Variants in RFX6 observed in about 807,000 individuals in gnomAD.
RFX6 encodes the protein DNA-binding protein RFX6.
A neutral mutation model predicts 110.8 loss-of-function variants in RFX6; 50 were observed. The ratio of observed to expected loss-of-function variants is 0.45; its 90% CI spans 0.36 to 0.57. The LOEUF (loss-of-function observed/expected upper bound fraction) is 0.57, where lower values mean the gene tolerates loss of function less well. RFX6 is among the 20% of genes least tolerant of loss of function. The pLI, the probability that RFX6 is intolerant of heterozygous loss-of-function variation, is 0.00. For missense variants in RFX6, 990 were observed against 1,127.0 expected, an observed-to-expected ratio of 0.88 and a Z score of 1.74; for synonymous variants, 383 against 411.2, an observed-to-expected ratio of 0.93 and a Z score of 0.83.
intron 11 of RFX6, 111 bp from the exon 12 acceptor site, chr6:116,920,199 G>A (rs538820053): frequency 1.1e-6 from 1 of 874,868 alleles, no homozygotes; most frequent in Non-Finnish European, 1.9e-6. Context: ...TAAGAAAAAA[G>A]TTATTTATGA....
At chr6:116,908,582 G>A (rs1461043022) in intron 6 of RFX6, among the ~76,000 whole-genome samples, 4 of 151,488 alleles carry the variant, frequency 2.6e-5, no homozygotes, top group Admixed American at 6.6e-5. Context: ...GATTTTCAAG[G>A]GTATTTTACC....
chr6:116,911,971 T>C (rs1396152928), intron 7 of RFX6, among the ~76,000 whole-genome samples: 1 of 152,228 alleles, frequency 6.6e-6, no homozygotes, highest in African/African-American at 2.4e-5. Context: ...ATGACAGCCA[T>C]ACTCTGTTAG....
At position 116,894,023 on chromosome 6, in the gene RFX6, T is replaced by C. The variant is rs1273424273; in HGVS notation, c.603T>C (p.Ser201=). 6.2e-6 allele frequency: 10 copies of C among 1,604,234 alleles called. No individual in the cohort carries two copies. The African/African-American group carries it at 1.1e-4, about 17-fold the overall frequency. Residue 201 remains serine (S), a synonymous_variant, in exon 5 of 19, where the codon AGT becomes AGC. Coordinates refer to ENST00000332958, the MANE Select transcript of RFX6 (RefSeq NM_173560.4). ...ATGGGATTGGCATCAAAGAGAGCAG[T>C]GCATATTACCACTCCGTTTATTCTG... The part of the protein sequence containing the change: ...HYYGIGIKES[S]AYYHSVYSGK...
chr6:116,909,060 GA>G (rs1160939707), intron 6 of RFX6, among the ~76,000 whole-genome samples: 20 of 151,976 alleles, frequency 1.3e-4, no homozygotes, highest in Non-Finnish European at 7.4e-5. Context: ...CTGAATGCTT[GA>G]TAAAAGGTCA....
rs181546283 is a variant in RFX6, at chr6:116,927,386, T to C, written c.2245T>C (p.Tyr749His). 4 of 1,614,068 alleles carry C rather than the reference T, an allele frequency of 2.5e-6. No individual in the cohort carries two copies. Among genetic ancestry groups the C allele is most frequent in the Middle Eastern group, 1.6e-4 (1 of 6,062 alleles). ...FFSGSCAGSP[Y>H]NSRPPSSYGP... is the part of the protein sequence containing the mutation. Reference sequence around the variant, plus strand: ...CAGTGGCAGCTGTGCGGGGTCTCCATATAACTCCCGGCCACCGTCTAGCTA... The same window carrying C: ...CAGTGGCAGCTGTGCGGGGTCTCCACATAACTCCCGGCCACCGTCTAGCTA... Residue 749 changes from tyrosine (Y) to histidine (H), a missense_variant, in exon 17 of 19, where the codon TAT becomes CAT. Transcript: ENST00000332958.
rs781659041 is a variant in RFX6, at chr6:116,877,472, C to T, written c.197C>T (p.Pro66Leu). ...GGCGGCGGGGAGAAAGGCGAAGACC[C>T]GGAGCTGCCGGGGGCAGTGAAATCA... ...EQGGGEKGED[P>L]ELPGAVKSEM... is the part of the protein sequence containing the mutation. Residue 66 changes from proline to leucine, a missense_variant, in exon 1 of 19, where the codon CCG becomes CTG. Physicochemically the swap from Pro to Leu is moderately conservative, Grantham distance 98. Around this residue, in one of 5 missense-constraint regions of RFX6, gnomAD observed 175 missense variants for 162.3 expected, o/e 1.08. Coordinates refer to ENST00000332958, the MANE Select transcript of RFX6 (RefSeq NM_173560.4). 4.5e-6 allele frequency: 7 copies of T among 1,562,398 alleles called. No individual in the cohort carries two copies. The South Asian group carries it at 5.9e-5, about 13-fold the overall frequency.
chr6:116,931,551 T>C lies in RFX6; in HGVS notation c.*45T>C, dbSNP rs957184444. ...GTGCTAAAACTTTAAAAAAAATCTC[T>C]ACTGTGCAAATATCATTATTCACTC... On this transcript the variant is annotated 3_prime_UTR_variant, in exon 19 of 19. Coordinates refer to ENST00000332958, the MANE Select transcript of RFX6 (RefSeq NM_173560.4). 3 of 1,356,744 alleles carry C rather than the reference T, an allele frequency of 2.2e-6. No homozygotes were observed. The highest frequency in any genetic ancestry group is 3.1e-6 in the Non-Finnish European group (3 of 958,978). 84.0% of individuals were successfully genotyped at this position (1,356,744 alleles called of 1,614,324 possible). A position where few individuals can be genotyped will look rare whatever the true frequency, so the allele number is the denominator to read the frequency against.
At chr6:116,883,002 T>C (rs1255287010) in intron 4 of RFX6, among the ~76,000 whole-genome samples, 1 of 152,178 alleles carries the variant, frequency 6.6e-6, no homozygotes, top group Non-Finnish European at 1.5e-5. Context: ...AACTCCCAGG[T>C]ACAGTTTCTC....
At chr6:116,927,572 T>A (rs1384861692) in intron 17 of RFX6, 33 bp downstream of exon 17, 2 of 1,587,616 alleles carry the variant, frequency 1.3e-6, no homozygotes, top group East Asian at 2.2e-5. Context: ...TTCTTGGTTT[T>A]TGAGATGGCA....
intron 4 of RFX6, among the ~76,000 whole-genome samples, chr6:116,887,830 G>T (rs975734226): frequency 1.3e-5 from 2 of 152,168 alleles, no homozygotes; most frequent in Non-Finnish European, 2.9e-5. Context: ...CGGGTACAAT[G>T]ATAAGCAAAA....
At chr6:116,895,833 G>A (rs192236907) in intron 6 of RFX6, among the ~76,000 whole-genome samples, 17 of 152,306 alleles carry the variant, frequency 1.1e-4, no homozygotes, top group African/African-American at 3.8e-4. Context: ...AAGAAGAGGT[G>A]CTGCCAAGCT....
intron 2 of RFX6, among the ~76,000 whole-genome samples, chr6:116,879,278 G>A (rs574373286): frequency 1.6e-4 from 25 of 151,876 alleles, no homozygotes; most frequent in African/African-American, 4.6e-4. Flanking sequence ...AGACAATGCC[G>A]ACTACAACAG....
rs552279615 is a variant in RFX6 at position 116,921,968 on chromosome 6, G to C, written c.1328-74G>C. 6.8e-6 allele frequency: 5 copies of C among 735,664 alleles called. No individual in the cohort carries two copies. In the Admixed American group the frequency reaches 1.1e-4, roughly 16 times the overall value. 45.6% of individuals were successfully genotyped at this position (735,664 alleles called of 1,614,324 possible). A position where few individuals can be genotyped will look rare whatever the true frequency, so the allele number is the denominator to read the frequency against. On this transcript the variant is annotated intron_variant, in intron 12 of 18. Transcript: ENST00000332958. Reference sequence around the variant, plus strand: ...AAGTATTGATGATTCCAAGTTTTAGGTTTTCTCTTGGATTCCAAGTAGAGT... The same window carrying C: ...AAGTATTGATGATTCCAAGTTTTAGCTTTTCTCTTGGATTCCAAGTAGAGT...
intron 13 of RFX6, among the ~76,000 whole-genome samples, 177 bp from the exon 14 acceptor site, chr6:116,922,930 C>T (rs1245571624): frequency 6.6e-6 from 1 of 152,142 alleles, no homozygotes; most frequent in Non-Finnish European, 1.5e-5. Context: ...ACCCTTAAAA[C>T]ATCAGCAAAG....
At chr6:116,881,580 A>G (rs1774590938) in intron 3 of RFX6, among the ~76,000 whole-genome samples, 1 of 152,050 alleles carries the variant, frequency 6.6e-6, no homozygotes, top group Non-Finnish European at 1.5e-5. Flanking sequence ...TTATTGTGAG[A>G]CCTTCTGAAA....
At chr6:116,907,875 G>T (rs1371164312) in intron 6 of RFX6, among the ~76,000 whole-genome samples, 1 of 148,546 alleles carries the variant, frequency 6.7e-6, no homozygotes. Context: ...CTTTAATTTT[G>T]TCAATTTTTC....
intron 6 of RFX6, among the ~76,000 whole-genome samples, chr6:116,902,226 A>C (rs1775090625): frequency 6.6e-6 from 1 of 151,992 alleles, no homozygotes; most frequent in African/African-American, 2.4e-5. Context: ...CTTGTGGGAG[A>C]AGAAGGGAAT....
chr6:116,926,595 TATAAG>T lies in RFX6; in HGVS notation c.1886-430_1886-426del, dbSNP rs536015248. ...GGTGGCATTCATAAATCACATTACT[TATAAG>T]AGGTGTTTGCATGACATTTTGAATT... On this transcript the variant is annotated intron_variant, in intron 16 of 18. Transcript: ENST00000332958. Among the ~76,000 whole-genome samples the T allele has an allele frequency of 1.5e-3, 230 of 152,294 alleles. 3 individuals are homozygous for T. The highest frequency in any genetic ancestry group is 5.3e-3 in the African/African-American group (219 of 41,566).
intron 7 of RFX6, among the ~76,000 whole-genome samples, chr6:116,912,401 C>T (rs543413607): frequency 6.6e-6 from 1 of 152,198 alleles, no homozygotes; most frequent in Admixed American, 6.5e-5. Flanking sequence ...AGATAATTCT[C>T]AAATGCCAAA....
Sources: gnomAD v4.1 joint callset for allele counts (sites outside exome capture counted in the v4.1 genomes callset) on GRCh38, gnomAD v4.1.1 for gene constraint, gnomAD v4.1.1 regional missense constraint, MANE v1.5 for transcripts, NCBI Gene and HGNC (gene_info 2026-07-23, HGNC 2026-07-21) for gene names.